Variants in FNDC3B observed in about 807,000 individuals in gnomAD.
FNDC3B encodes fibronectin type III domain-containing protein 3B.
Under a neutral mutation model 151.5 loss-of-function variants are expected in FNDC3B, and 12 were observed. The ratio of observed to expected loss-of-function variants is 0.08; its 90% CI spans 0.05 to 0.13. The LOEUF (loss-of-function observed/expected upper bound fraction) is 0.13, where lower values mean the gene tolerates loss of function less well. Among genes scored for constraint, FNDC3B ranks in the 10% least tolerant of loss-of-function variants. FNDC3B has a pLI of 1.00. For missense variants in FNDC3B, 1,214 were observed against 1,505.3 expected, an observed-to-expected ratio of 0.81 and a Z score of 3.20; for synonymous variants, 528 against 549.0, an observed-to-expected ratio of 0.96 and a Z score of 0.54.
intron 3 of FNDC3B, among the ~76,000 whole-genome samples, chr3:172,187,944 C>G (rs1016549228): frequency 6.6e-6 from 1 of 151,934 alleles, no homozygotes; most frequent in African/African-American, 2.4e-5. Context: ...ATAATTCAAC[C>G]CTAGGAATAT....
chr3:172,353,944 C>CA (rs1733972176), intron 22 of FNDC3B, among the ~76,000 whole-genome samples: 1 of 118,882 alleles, frequency 8.4e-6, no homozygotes, highest in Non-Finnish European at 1.7e-5. Context: ...TTAGAAAAGG[C>CA]AAATGTTTGA....
intron 6 of FNDC3B, among the ~76,000 whole-genome samples, chr3:172,266,343 T>A (rs939490001): frequency 6.6e-6 from 1 of 152,154 alleles, no homozygotes; most frequent in African/African-American, 2.4e-5. Flanking sequence ...TGGTGCTTCT[T>A]TTTTTTCCCC....
chr3:172,316,554 A>G lies in FNDC3B; in HGVS notation c.1254+5673A>G. 4 of 386,146 alleles carry G rather than the reference A, an allele frequency of 1.0e-5. 1 individual carries two copies. The highest frequency in any genetic ancestry group is 7.4e-5 in the South Asian group (4 of 53,786). 23.9% of individuals were successfully genotyped at this position (386,146 alleles called of 1,614,324 possible). A position where few individuals can be genotyped will look rare whatever the true frequency, so the allele number is the denominator to read the frequency against. On this transcript the variant is annotated intron_variant, in intron 11 of 25. Transcript: ENST00000415807. ...AAGGAGTGAATTTTAATGGGCAAAT[A>G]AGAACTTTTTATTTTAGAAAAAATT... is the stretch of plus-strand genomic sequence containing the variant.
intron 11 of FNDC3B, among the ~76,000 whole-genome samples, chr3:172,327,174 C>T (rs1043018397): frequency 3.3e-5 from 5 of 152,218 alleles, no homozygotes; most frequent in Non-Finnish European, 7.3e-5. Context: ...ATAGTGAGTT[C>T]ACTCAAGGAG....
chr3:172,345,571 T>C (rs1045024138), intron 19 of FNDC3B, among the ~76,000 whole-genome samples: 6 of 152,104 alleles, frequency 3.9e-5, no homozygotes, highest in African/African-American at 1.4e-4. Context: ...TGTTGAGAGG[T>C]GGTTTTTTGT....
At chr3:172,058,576 C>T (rs1177549157) in intron 1 of FNDC3B, among the ~76,000 whole-genome samples, 3 of 151,550 alleles carry the variant, frequency 2.0e-5, no homozygotes, top group African/African-American at 7.3e-5. Flanking sequence ...ATTACAGATC[C>T]TCAGTTGGTA....
rs191026598 is a variant in FNDC3B, at chr3:172,047,518, T to C, written c.-29+7747T>C. Reference sequence around the variant, plus strand: ...CTTTTAAGCACCTTGGGAAAATCAATTTACTTAAAAGCAGTGTAAAAATGC... The same window carrying C: ...CTTTTAAGCACCTTGGGAAAATCAACTTACTTAAAAGCAGTGTAAAAATGC... On this transcript the variant is annotated intron_variant, in intron 1 of 25. Transcript: ENST00000415807. 5.3e-5 allele frequency among the ~76,000 whole-genome samples: 8 copies of C among 152,258 alleles called. 1 individual carries two copies. Among genetic ancestry groups the C allele is most frequent in the African/African-American group, 1.9e-4 (8 of 41,562 alleles).
chr3:172,235,929 G>A (rs1304668466), intron 4 of FNDC3B, among the ~76,000 whole-genome samples: 1 of 152,160 alleles, frequency 6.6e-6, no homozygotes, highest in Non-Finnish European at 1.5e-5. Flanking sequence ...GAAAAGATGT[G>A]ACTGGCCTTC....
At chr3:172,061,933 A>T (rs950667523) in intron 1 of FNDC3B, among the ~76,000 whole-genome samples, 1 of 152,222 alleles carries the variant, frequency 6.6e-6, no homozygotes, top group Non-Finnish European at 1.5e-5. Flanking sequence ...CTAATGCATG[A>T]TGCATAAACC....
chr3:172,133,789 C>T (rs1721229610), intron 3 of FNDC3B: 1 of 502,078 alleles, frequency 2.0e-6, no homozygotes, highest in African/African-American at 2.0e-5. Context: ...TAACAAATTA[C>T]TCCAAAATTT....
intron 19 of FNDC3B, 38 bp from the exon 20 acceptor site, chr3:172,346,287 GCA>G: frequency 1.7e-6 from 2 of 1,173,502 alleles, no homozygotes; most frequent in Non-Finnish European, 2.5e-6. Context: ...ACACATACAC[GCA>G]TATATACATA....
rs760446690 is a variant in FNDC3B, at chr3:172,229,084, AACACACACACACACAC to A, written c.264+2175_264+2190del. ...TGTCATGCAGTTGTAGAAAGAAAGA[AACACACACACACACAC>A]ACACACACACACACACACACACACA... On this transcript the variant is annotated intron_variant, in intron 4 of 25. Coordinates refer to ENST00000415807, the MANE Select transcript of FNDC3B (RefSeq NM_022763.4). Among the ~76,000 whole-genome samples, 162 of 117,858 alleles carry A rather than the reference AACACACACACACACAC, an allele frequency of 1.4e-3. No individual in the cohort carries two copies. In the East Asian group the frequency reaches 0.026, roughly 19 times the overall value. The allele number at this position is 117,858 out of a possible 152,430, so 77.3% of individuals were successfully genotyped here. A position where few individuals can be genotyped will look rare whatever the true frequency, so the allele number is the denominator to read the frequency against.
chr3:172,134,337 G>A (rs550985539), intron 3 of FNDC3B: 22 of 517,118 alleles, frequency 4.3e-5, no homozygotes, highest in African/African-American at 3.8e-4. Flanking sequence ...ACCTAGATCT[G>A]ATGTTAGCTG....
At chr3:172,126,216 G>A (rs1559978057) in intron 2 of FNDC3B, among the ~76,000 whole-genome samples, 3 of 152,104 alleles carry the variant, frequency 2.0e-5, no homozygotes, top group African/African-American at 7.2e-5. Flanking sequence ...CGAATTCAAC[G>A]TGCATAGAAT....
At chr3:172,273,927 A>T (rs1342821863) in intron 6 of FNDC3B, among the ~76,000 whole-genome samples, 3 of 145,496 alleles carry the variant, frequency 2.1e-5, no homozygotes, top group African/African-American at 5.3e-5. Context: ...TTATGGTCTG[A>T]GATAGTCTCT....
chr3:172,143,401 T>A (rs1418041898), intron 3 of FNDC3B, among the ~76,000 whole-genome samples: 1 of 152,196 alleles, frequency 6.6e-6, no homozygotes, highest in Non-Finnish European at 1.5e-5. Context: ...GAGAATAGGA[T>A]GGGAATACCT....
intron 22 of FNDC3B, among the ~76,000 whole-genome samples, chr3:172,355,315 C>G (rs1734042072): frequency 6.6e-6 from 1 of 152,142 alleles, no homozygotes; most frequent in African/African-American, 2.4e-5. Context: ...GGCAGTGGTT[C>G]TAGCTTCCAC....
At chr3:172,326,449 A>G (rs1732348100) in intron 11 of FNDC3B, among the ~76,000 whole-genome samples, 2 of 152,222 alleles carry the variant, frequency 1.3e-5, no homozygotes, top group South Asian at 2.1e-4. Flanking sequence ...TGCTTTGTCT[A>G]TATGGGTTGT....
intron 1 of FNDC3B, among the ~76,000 whole-genome samples, chr3:172,059,825 C>T (rs1344762953): frequency 6.6e-6 from 1 of 152,106 alleles, no homozygotes; most frequent in Non-Finnish European, 1.5e-5. Context: ...GGATGTTTAT[C>T]TATAGTCCAG....
Sources: gnomAD v4.1 joint callset for allele counts (sites outside exome capture counted in the v4.1 genomes callset) on GRCh38, gnomAD v4.1.1 for gene constraint, MANE v1.5 for transcripts, NCBI Gene and HGNC (gene_info 2026-07-23, HGNC 2026-07-21) for gene names.